CLASP1: variants seen among roughly 807,000 people sequenced by gnomAD.
CLASP1 encodes the protein CLIP-associating protein 1.
CLASP1 carries 38 observed loss-of-function variants against 192.3 expected under a neutral mutation model. The observed-to-expected ratio is 0.20, with a 90% CI of 0.15 to 0.26. CLASP1 has a LOEUF of 0.26. CLASP1 is among the 10% of genes least tolerant of loss of function. CLASP1 has a pLI of 1.00. For missense variants in CLASP1, 1,433 were observed against 1,932.5 expected, an observed-to-expected ratio of 0.74 and a Z score of 4.85; for synonymous variants, 691 against 712.8, an observed-to-expected ratio of 0.97 and a Z score of 0.49.
chr2:121,595,475 A>C (rs2063025040), intron 2 of CLASP1, among the ~76,000 whole-genome samples: 1 of 152,254 alleles, frequency 6.6e-6, no homozygotes, highest in South Asian at 2.1e-4. Flanking sequence ...CTGCCTTGAC[A>C]TTCAATTTAT....
At chr2:121,456,088 A>T (rs953310456) in intron 14 of CLASP1, among the ~76,000 whole-genome samples, 2 of 152,322 alleles carry the variant, frequency 1.3e-5, no homozygotes, top group East Asian at 1.9e-4. Context: ...CCACAAAAAA[A>T]TAAGTATGTG....
chr2:121,430,315 C>T (rs2081165679), intron 19 of CLASP1, 138 bp from the exon 20 acceptor site: 2 of 634,424 alleles, frequency 3.2e-6, no homozygotes, highest in Non-Finnish European at 5.5e-6. Context: ...AGCAGATCCT[C>T]CACACGAGGT....
At chr2:121,581,207 C>CTA (rs1414777831) in intron 2 of CLASP1, among the ~76,000 whole-genome samples, 3 of 148,326 alleles carry the variant, frequency 2.0e-5, no homozygotes, top group African/African-American at 7.5e-5. Context: ...ATCCCAGGAA[C>CTA]TATAATACAG....
intron 8 of CLASP1, among the ~76,000 whole-genome samples, chr2:121,483,470 GTA>G (rs1055355904): frequency 1.3e-5 from 2 of 150,568 alleles, no homozygotes; most frequent in Admixed American, 6.7e-5. Flanking sequence ...GTGTGTGTGT[GTA>G]TATATGTATG....
intron 1 of CLASP1, among the ~76,000 whole-genome samples, chr2:121,618,825 G>C (rs1207255071): frequency 6.6e-6 from 1 of 152,108 alleles, no homozygotes; most frequent in African/African-American, 2.4e-5. Flanking sequence ...TAAAATACCA[G>C]TCAGGCATAC....
At chr2:121,644,786 C>T (rs1352213058) in intron 1 of CLASP1, among the ~76,000 whole-genome samples, 1 of 152,056 alleles carries the variant, frequency 6.6e-6, no homozygotes, top group Non-Finnish European at 1.5e-5. Flanking sequence ...CTACAAAACA[C>T]TTCTAAAACA....
chr2:121,509,741 G>A (rs2094060684), intron 7 of CLASP1, among the ~76,000 whole-genome samples: 1 of 152,116 alleles, frequency 6.6e-6, no homozygotes, highest in Non-Finnish European at 1.5e-5. Flanking sequence ...GGGAGACTGA[G>A]GCACAAGAAT....
chr2:121,581,862 A>T (rs568050527), intron 2 of CLASP1, among the ~76,000 whole-genome samples: 1 of 150,098 alleles, frequency 6.7e-6, no homozygotes, highest in South Asian at 2.1e-4. Flanking sequence ...TCCCAACTGG[A>T]CGACAAAGCG....
intron 1 of CLASP1, among the ~76,000 whole-genome samples, chr2:121,616,340 G>A (rs972188098): frequency 2.0e-5 from 3 of 152,062 alleles, no homozygotes; most frequent in Non-Finnish European, 2.9e-5. Context: ...CCAGCTACTC[G>A]GGAGGCTGAG....
At chr2:121,546,898 C>T (rs572253116) in intron 2 of CLASP1, among the ~76,000 whole-genome samples, 6 of 152,150 alleles carry the variant, frequency 3.9e-5, no homozygotes, top group African/African-American at 1.4e-4. Flanking sequence ...AGGGGATGGG[C>T]CCTCCCAACT....
At chr2:121,490,309 C>T (rs2093232503) in intron 8 of CLASP1, 1 of 454,406 alleles carries the variant, frequency 2.2e-6, no homozygotes, top group African/African-American at 2.0e-5. Flanking sequence ...AATCCTGGTA[C>T]CAAATAAAAA....
exon 33 of CLASP1, chr2:121,382,271 G>A: frequency 6.2e-7 from 1 of 1,605,058 alleles, no homozygotes; most frequent in Non-Finnish European, 8.5e-7. Context: ...GTTAGGCTGA[G>A]AAAAGGGAGG....
chr2:121,418,721 T>C (rs577699950), exon 23 of CLASP1: 1 of 1,612,368 alleles, frequency 6.2e-7, no homozygotes, highest in East Asian at 2.2e-5. Flanking sequence ...GGGATACGGC[T>C]GCTCCGTGCT....
chr2:121,619,408 C>T (rs182341126), intron 1 of CLASP1, among the ~76,000 whole-genome samples: 1 of 152,268 alleles, frequency 6.6e-6, no homozygotes, highest in Non-Finnish European at 1.5e-5. Context: ...TACCTTTCAA[C>T]ACTACAGAAC....
chr2:121,464,105 T>C (rs1365035761), intron 9 of CLASP1, among the ~76,000 whole-genome samples: 1 of 151,642 alleles, frequency 6.6e-6, no homozygotes, highest in African/African-American at 2.4e-5. Flanking sequence ...GTTTGGTTTT[T>C]TGTTCTTGCG....
intron 36 of CLASP1, chr2:121,364,042 G>A (rs2066913251): frequency 1.3e-5 from 2 of 152,244 alleles, no homozygotes; most frequent in South Asian, 2.1e-4. Context: ...ACTGCCTTAC[G>A]AGCCAATACT....
chr2:121,642,647 G>A lies in CLASP1; in HGVS notation c.-286+6725C>T, dbSNP rs190016550. Among the ~76,000 whole-genome samples, 512 of 152,164 alleles carry A rather than the reference G, an allele frequency of 3.4e-3. 3 individuals are homozygous for A. Among genetic ancestry groups the A allele is most frequent in the African/African-American group, 0.011 (472 of 41,516 alleles). On this transcript the variant is annotated intron_variant, in intron 1 of 39. Coordinates refer to ENST00000263710, the Ensembl canonical transcript of CLASP1. ...CATGGGAGGCTGAGGCAGAAGAATCGCTTGAATCCGGGAGGCGGAGGTTGC... is the reference window on the plus strand; with the variant it reads ...CATGGGAGGCTGAGGCAGAAGAATCACTTGAATCCGGGAGGCGGAGGTTGC...
intron 8 of CLASP1, among the ~76,000 whole-genome samples, chr2:121,480,062 G>A (rs1165218202): frequency 6.6e-6 from 1 of 152,148 alleles, no homozygotes; most frequent in Non-Finnish European, 1.5e-5. Context: ...CAAAAAGCTG[G>A]GCTGGCATTT....
chr2:121,424,689 A>G (rs1212774681), intron 22 of CLASP1, among the ~76,000 whole-genome samples: 1 of 152,212 alleles, frequency 6.6e-6, no homozygotes, highest in African/African-American at 2.4e-5. Context: ...GTAACTATGC[A>G]TATTTTTTCA....
Sources: gnomAD v4.1 joint callset for allele counts (sites outside exome capture counted in the v4.1 genomes callset) on GRCh38, gnomAD v4.1.1 for gene constraint, MANE v1.5 for transcripts, NCBI Gene and HGNC (gene_info 2026-07-23, HGNC 2026-07-21) for gene names.